EML5: variants seen among roughly 807,000 people sequenced by gnomAD.
EML5 encodes the protein echinoderm microtubule-associated protein-like 5.
EML5 carries 120 observed loss-of-function variants against 250.0 expected under a neutral mutation model. The observed-to-expected ratio is 0.48, with a 90% CI of 0.41 to 0.56. The LOEUF is 0.56. Among genes scored for constraint, EML5 ranks in the 20% least tolerant of loss-of-function variants. The pLI is 0.00. For synonymous variants in EML5, 771 were observed against 806.5 expected (o/e 0.96, Z 0.75); for missense variants, 2,006 against 2,437.6 (o/e 0.82, Z 3.73).
intron 17 of EML5, among the ~76,000 whole-genome samples, chr14:88,692,284 G>T (rs1326362118): frequency 7.2e-5 from 11 of 152,096 alleles, no homozygotes; most frequent in East Asian, 3.9e-4. Flanking sequence ...GGCTGAGGCA[G>T]GAGAATCACT....
Position 88,681,938 on chromosome 14 carries a change from C to A in EML5, c.3076G>T (p.Asp1026Tyr), listed in dbSNP as rs1161819147. ...AACATACAATGACTAGGTGAGAGAT[C>A]CCATATTCTTAAGGTTTTATCATCG... ...VSDDKTLRIW[D>Y]LSPSHCMLAV... The change falls in exon 21 of 44, where the codon GAT becomes TAT. Residue 1026 changes from aspartate (D) to tyrosine (Y), a missense_variant. This residue lies in a region of EML5 where 1,375 missense variants were observed against 1,590.3 expected (regional missense o/e 0.86). Transcript: ENST00000554922. 6.2e-7 allele frequency: 1 copy of A among 1,613,248 alleles called. No homozygotes were observed.
At chr14:88,713,851 T>G (rs2093446908) in intron 9 of EML5, among the ~76,000 whole-genome samples, 1 of 151,438 alleles carries the variant, frequency 6.6e-6, no homozygotes, top group Non-Finnish European at 1.5e-5. Flanking sequence ...TTTTTTTTTT[T>G]TTTTTGAGAC....
In EML5 at chr14:88,715,173, T is replaced by C. The variant is rs776297560; in HGVS notation, c.1210A>G (p.Ile404Val). Residue 404 changes from isoleucine (I) to valine (V), a missense_variant, in exon 9 of 44, where the codon ATT becomes GTT. Coordinates refer to ENST00000554922, the MANE Select transcript of EML5 (RefSeq NM_183387.3). ...RVRDMTEVVH[I>V]KDRKEAIHEL... ...TGAATTGCCTCCTTCCTATCTTTAA[T>C]ATGTACAACTTCCGTCATATCTCTG... 8.7e-6 allele frequency: 14 copies of C among 1,600,086 alleles called. No individual in the cohort carries two copies. In the East Asian group the frequency reaches 2.9e-4, roughly 33 times the overall value.
At position 88,684,960 on chromosome 14, in the gene EML5, T is replaced by C. The variant is rs538162618; in HGVS notation, c.2982+55A>G. 1.5e-4 allele frequency: 216 copies of C among 1,467,392 alleles called. 3 individuals are homozygous for C. In the South Asian group the frequency reaches 2.5e-3, roughly 17 times the overall value. The allele number at this position is 1,467,392 out of a possible 1,614,324, so 90.9% of individuals were successfully genotyped here. ...ACTGTCAACTTTTGGCTCTTATATA[T>C]TGAAATAATCAATTGTATGTAAAGA... On this transcript the variant is annotated intron_variant, in intron 20 of 43. Transcript: ENST00000554922.
intron 33 of EML5, among the ~76,000 whole-genome samples, chr14:88,628,786 C>T (rs1033388437): frequency 1.3e-5 from 2 of 151,906 alleles, no homozygotes; most frequent in African/African-American, 4.8e-5. Context: ...TTGTAATACA[C>T]AATGATAAAT....
chr14:88,714,932 T>C lies in EML5; in HGVS notation c.1444+7A>G, dbSNP rs531286399. The C allele has an allele frequency of 3.1e-6, 5 of 1,608,928 alleles. No homozygotes were observed. In the South Asian group the frequency reaches 3.3e-5, roughly 11 times the overall value. On this transcript the variant is annotated splice_region_variant and intron_variant, in intron 9 of 43. Coordinates refer to ENST00000554922, the MANE Select transcript of EML5 (RefSeq NM_183387.3). ...CTACAAATCTATAATTTGCTAGAAA[T>C]TGTTACCTGGCATTCTATAAAAAAG...
chr14:88,627,214 G>A, intron 34 of EML5, 168 bp from the exon 35 acceptor site: 1 of 645,472 alleles, frequency 1.5e-6, no homozygotes. Context: ...TTTGTGTATT[G>A]AGTCCTTTTC....
rs1278435356 is a variant in EML5, at chr14:88,626,971, T to C, written c.4607A>G (p.Gln1536Arg). 2 of 1,613,774 alleles carry C rather than the reference T, an allele frequency of 1.2e-6. No individual in the cohort carries two copies. The highest frequency in any genetic ancestry group is 1.7e-6 in the Non-Finnish European group (2 of 1,179,816). Residue 1536 changes from glutamine to arginine, a missense_variant, in exon 35 of 44, where the codon CAG becomes CGG. By Grantham distance (43) the Gln-to-Arg change is conservative. Coordinates refer to ENST00000554922, the MANE Select transcript of EML5 (RefSeq NM_183387.3). Reference sequence around the variant, plus strand: ...ATGTTTTACTCCCACTGAGACAAACTGGGTATCTGAATCTGGTCGGAATTC... The same window carrying C: ...ATGTTTTACTCCCACTGAGACAAACCGGGTATCTGAATCTGGTCGGAATTC... The part of the protein sequence containing the change: ...VAEFRPDSDT[Q>R]FVSVGVKHVK...
intron 20 of EML5, among the ~76,000 whole-genome samples, chr14:88,684,034 T>C (rs2092772572): frequency 6.6e-6 from 1 of 151,844 alleles, no homozygotes; most frequent in Admixed American, 6.6e-5. Flanking sequence ...TATTTACAGA[T>C]GACATAATGT....
At chr14:88,739,525 T>G (rs2093894038) in intron 5 of EML5, among the ~76,000 whole-genome samples, 2 of 152,030 alleles carry the variant, frequency 1.3e-5, no homozygotes, top group Admixed American at 1.3e-4. Flanking sequence ...TAAAAATGAA[T>G]TATACATGAA....
intron 1 of EML5, among the ~76,000 whole-genome samples, chr14:88,773,996 G>C (rs1282173298): frequency 6.6e-6 from 1 of 152,136 alleles, no homozygotes; most frequent in Non-Finnish European, 1.5e-5. Flanking sequence ...GCAGGTGCCT[G>C]TAGTCCCAGC....
chr14:88,784,031 C>T (rs1416298811), intron 1 of EML5, among the ~76,000 whole-genome samples: 1 of 152,034 alleles, frequency 6.6e-6, no homozygotes, highest in East Asian at 1.9e-4. Context: ...GGAAATTAAA[C>T]AATATGCTCA....
chr14:88,746,028 G>C (rs2093999846), intron 3 of EML5, among the ~76,000 whole-genome samples, 157 bp downstream of exon 3: 1 of 152,128 alleles, frequency 6.6e-6, no homozygotes, highest in Non-Finnish European at 1.5e-5. Flanking sequence ...AACACTTTAA[G>C]ACTTTTTACA....
At chr14:88,786,673 TCTC>T (rs1428938526) in intron 1 of EML5, among the ~76,000 whole-genome samples, 1 of 152,110 alleles carries the variant, frequency 6.6e-6, no homozygotes, top group East Asian at 1.9e-4. Context: ...CCCACACTGT[TCTC>T]ATGGTAGTAA....
At chr14:88,626,775 T>G in intron 35 of EML5, 63 bp downstream of exon 35, 17 of 1,522,698 alleles carry the variant, frequency 1.1e-5, no homozygotes, top group African/African-American at 4.1e-5. Context: ...ATGTGGCTGA[T>G]GATCTAAGGC....
chr14:88,758,879 T>A (rs757458435), intron 1 of EML5, among the ~76,000 whole-genome samples: 1 of 152,176 alleles, frequency 6.6e-6, no homozygotes, highest in African/African-American at 2.4e-5. Context: ...TTGAAAACAT[T>A]ACGCTAAGTG....
At chr14:88,695,602 C>A in intron 15 of EML5, 148 bp from the exon 16 acceptor site, 1 of 734,666 alleles carries the variant, frequency 1.4e-6, no homozygotes. Context: ...TAAAAAGAAC[C>A]AGAATTTATA....
chr14:88,662,351 T>TG (rs2092141980), intron 24 of EML5, among the ~76,000 whole-genome samples: 3 of 141,940 alleles, frequency 2.1e-5, no homozygotes, highest in South Asian at 2.2e-4. Flanking sequence ...TTTTTTTTTT[T>TG]TTTTTTTTTT....
At chr14:88,650,901 C>T (rs2091589614) in intron 27 of EML5, among the ~76,000 whole-genome samples, 2 of 152,148 alleles carry the variant, frequency 1.3e-5, no homozygotes, top group South Asian at 4.1e-4. Context: ...TTCAGCCTCC[C>T]AAAGCACTGA....
Sources: gnomAD v4.1 joint callset for allele counts (sites outside exome capture counted in the v4.1 genomes callset) on GRCh38, gnomAD v4.1.1 for gene constraint, gnomAD v4.1.1 regional missense constraint, MANE v1.5 for transcripts, NCBI Gene and HGNC (gene_info 2026-07-23, HGNC 2026-07-21) for gene names.